Variants in SDK1 observed in about 807,000 individuals in gnomAD.
The protein encoded by SDK1 is protein sidekick-1.
In SDK1, 157 loss-of-function variants were observed where a neutral mutation model predicts 245.5. The observed-to-expected ratio is 0.64, with a 90% CI of 0.56 to 0.73. The LOEUF is 0.73. Among genes scored for constraint, SDK1 ranks in the 30% least tolerant of loss-of-function variants. The pLI is 0.00. For synonymous variants in SDK1, 1,647 were observed against 1,278.5 expected (o/e 1.29, Z -6.15); for missense variants, 3,583 against 3,002.3 (o/e 1.19, Z -4.52).
intron 32 of SDK1, among the ~76,000 whole-genome samples, chr7:4,173,576 G>T (rs528003496): frequency 6.6e-6 from 1 of 152,342 alleles, no homozygotes; most frequent in Non-Finnish European, 1.5e-5. Context: ...TGAGCGCCTA[G>T]CCATGGCTTG....
intron 4 of SDK1, among the ~76,000 whole-genome samples, chr7:3,761,398 C>CA (rs1780097507): frequency 6.7e-6 from 1 of 149,414 alleles, no homozygotes; most frequent in African/African-American, 2.5e-5. Context: ...ACTAAAAATA[C>CA]AAAAACTTAG....
intron 41 of SDK1, among the ~76,000 whole-genome samples, chr7:4,236,015 C>T (rs1786142658): frequency 6.6e-6 from 1 of 152,274 alleles, no homozygotes; most frequent in South Asian, 2.1e-4. Flanking sequence ...AGCCCACAAA[C>T]CTACTTCTGT....
chr7:3,720,655 C>G (rs950862478), intron 4 of SDK1, among the ~76,000 whole-genome samples: 3 of 152,168 alleles, frequency 2.0e-5, no homozygotes, highest in African/African-American at 7.2e-5. Context: ...TACAGCCACT[C>G]TAGAAAATAG....
At chr7:4,018,773 T>G (rs745933021) in intron 17 of SDK1, among the ~76,000 whole-genome samples, 7 of 152,136 alleles carry the variant, frequency 4.6e-5, no homozygotes, top group Non-Finnish European at 8.8e-5. Flanking sequence ...TGGGGAACCA[T>G]GAAAGGCTTA....
At chr7:3,803,509 C>G (rs1196135652) in intron 4 of SDK1, among the ~76,000 whole-genome samples, 1 of 151,672 alleles carries the variant, frequency 6.6e-6, no homozygotes, top group African/African-American at 2.4e-5. Flanking sequence ...AGGGGTTTCA[C>G]CATGTGGACC....
chr7:3,792,190 A>G (rs1236617844), intron 4 of SDK1, among the ~76,000 whole-genome samples: 1 of 152,044 alleles, frequency 6.6e-6, no homozygotes, highest in Non-Finnish European at 1.5e-5. Context: ...GCCTCTCATA[A>G]CTGCCTGGCT....
At chr7:4,214,084 G>A (rs951826358) in intron 38 of SDK1, among the ~76,000 whole-genome samples, 7 of 152,134 alleles carry the variant, frequency 4.6e-5, no homozygotes, top group Admixed American at 2.6e-4. Flanking sequence ...GAGAGATTGG[G>A]CTCAGAGCCA....
intron 5 of SDK1, among the ~76,000 whole-genome samples, chr7:3,933,340 T>G (rs956015619): frequency 1.3e-5 from 2 of 152,120 alleles, no homozygotes; most frequent in African/African-American, 2.4e-5. Context: ...CTCAAACTTC[T>G]GGGCTCAAGT....
chr7:3,452,146 T>G (rs544523441), intron 1 of SDK1, among the ~76,000 whole-genome samples: 22 of 152,360 alleles, frequency 1.4e-4, no homozygotes, highest in African/African-American at 5.1e-4. Context: ...CATTTTTGTT[T>G]ATCTGTTCAG....
At chr7:3,425,923 T>C (rs887212670) in intron 1 of SDK1, among the ~76,000 whole-genome samples, 8 of 152,140 alleles carry the variant, frequency 5.3e-5, no homozygotes, top group Non-Finnish European at 1.2e-4. Flanking sequence ...AAGCTAGAAA[T>C]CAGGTGGGTT....
chr7:3,314,468 T>TAAAA (rs1371176683), intron 1 of SDK1, among the ~76,000 whole-genome samples: 5 of 152,198 alleles, frequency 3.3e-5, no homozygotes, highest in Non-Finnish European at 5.9e-5. Flanking sequence ...AGAGCTGAGA[T>TAAAA]AAAGCATACA....
chr7:3,546,810 A>G (rs560251463), intron 1 of SDK1, among the ~76,000 whole-genome samples: 49 of 152,190 alleles, frequency 3.2e-4, no homozygotes, highest in Non-Finnish European at 6.3e-4. Context: ...CTTTTCTTGG[A>G]CTCAATCTCA....
rs754302689 is a variant in SDK1 at position 4,178,496 on chromosome 7, T to C, written c.5008T>C (p.Tyr1670His). Residue 1670 changes from tyrosine (Y) to histidine (H), a missense_variant, in exon 35 of 45, where the codon TAC (tyrosine) becomes CAC (histidine). Physicochemically the swap from Tyr to His is moderately conservative, Grantham distance 83. Coordinates refer to ENST00000404826, the MANE Select transcript of SDK1 (RefSeq NM_152744.4). Reference protein sequence around the residue: ...TMCELTHLKKYRRYEVIMTAY... With the variant: ...TMCELTHLKKHRRYEVIMTAY... ...CTTCAACCCTGCAGATTTAAAGAAGTACCGGCGCTATGAAGTAATAATGAC... is the reference window on the plus strand; with the variant it reads ...CTTCAACCCTGCAGATTTAAAGAAGCACCGGCGCTATGAAGTAATAATGAC... 6.2e-7 allele frequency: 1 copy of C among 1,613,116 alleles called. No individual in the cohort carries two copies. Among genetic ancestry groups the C allele is most frequent in the Non-Finnish European group, 8.5e-7 (1 of 1,179,128 alleles).
In SDK1 at chr7:4,201,485, T is replaced by C. The variant is rs986550017; in HGVS notation, c.5099-4394T>C. ...AAAAAATCATATAAAGAAAATTATT[T>C]CATTATATTAAAACATTAACATTGA... On this transcript the variant is annotated intron_variant, in intron 35 of 44. Transcript: ENST00000404826. Among the ~76,000 whole-genome samples, 3 of 152,236 alleles carry C rather than the reference T, an allele frequency of 2.0e-5. No homozygotes were observed. The East Asian group carries it at 5.8e-4, about 29-fold the overall frequency.
At chr7:4,008,601 G>A (rs1427382973) in intron 14 of SDK1, among the ~76,000 whole-genome samples, 1 of 152,178 alleles carries the variant, frequency 6.6e-6, no homozygotes, top group East Asian at 1.9e-4. Context: ...GGGAAGGGGT[G>A]TTCTGTAATG....
At chr7:3,699,627 G>A (rs1784683168) in intron 4 of SDK1, among the ~76,000 whole-genome samples, 1 of 152,104 alleles carries the variant, frequency 6.6e-6, no homozygotes, top group Non-Finnish European at 1.5e-5. Context: ...AAACCTCAGA[G>A]CCTCAGAGAT....
intron 1 of SDK1, among the ~76,000 whole-genome samples, chr7:3,433,890 A>G (rs928486147): frequency 6.6e-6 from 1 of 152,258 alleles, no homozygotes; most frequent in Non-Finnish European, 1.5e-5. Context: ...ACAGTTTTAC[A>G]TGAAAGTCAT....
At chr7:3,965,664 G>A (rs1782030887) in intron 9 of SDK1, among the ~76,000 whole-genome samples, 1 of 152,150 alleles carries the variant, frequency 6.6e-6, no homozygotes, top group East Asian at 1.9e-4. Flanking sequence ...TGTGCTTCCA[G>A]GACAGAGGGT....
intron 5 of SDK1, among the ~76,000 whole-genome samples, chr7:3,929,452 G>C (rs1045867315): frequency 6.6e-6 from 1 of 152,166 alleles, no homozygotes; most frequent in Non-Finnish European, 1.5e-5. Flanking sequence ...AATCAGAAAA[G>C]CATTCCGTAT....
Sources: allele counts gnomAD v4.1 joint callset (sites outside exome capture counted in the v4.1 genomes callset), GRCh38; gene constraint gnomAD v4.1.1; transcripts MANE v1.5; gene names NCBI Gene and HGNC (gene_info 2026-07-23, HGNC 2026-07-21).